Variants in CEACAM18 observed in about 807,000 individuals in gnomAD.
CEACAM18 encodes the protein CEA cell adhesion molecule 18, also known as cell adhesion molecule CEACAM18.
A neutral mutation model predicts 34.3 loss-of-function variants in CEACAM18; 33 were observed. The observed-to-expected ratio is 0.96, with a 90% CI of 0.73 to 1.29. The LOEUF (loss-of-function observed/expected upper bound fraction) is 1.29, where lower values mean the gene tolerates loss of function less well. Among genes scored for constraint, CEACAM18 ranks in the 50% most tolerant of loss-of-function variants. CEACAM18 has a pLI of 0.00. For synonymous variants in CEACAM18, 169 were observed against 180.9 expected, an observed-to-expected ratio of 0.93 and a Z score of 0.53; for missense variants, 474 against 485.0, an observed-to-expected ratio of 0.98 and a Z score of 0.21.
chr19:51,485,178 G>A, intron 5 of CEACAM18, 56 bp downstream of exon 5: 1 of 1,439,016 alleles, frequency 6.9e-7, no homozygotes, highest in Non-Finnish European at 9.1e-7. Flanking sequence ...TGGGACTCAG[G>A]AGCCAGCCCT....
intron 5 of CEACAM18, among the ~76,000 whole-genome samples, chr19:51,489,774 T>A (rs10413469): frequency 0.077 from 11,738 of 152,206 alleles, 540 homozygotes; most frequent in African/African-American, 0.13. Context: ...TTAGTAGTAA[T>A]TACCTTGGAA....
exon 1 of CEACAM18, chr19:51,478,644 T>A (rs768630900): frequency 6.4e-7 from 1 of 1,552,780 alleles, no homozygotes; most frequent in South Asian, 1.2e-5. Flanking sequence ...AGGCAGCTCA[T>A]GGACCTTTCC....
At chr19:51,480,297 G>T in intron 1 of CEACAM18, 36 bp from the exon 2 acceptor site, 1 of 1,494,782 alleles carries the variant, frequency 6.7e-7, no homozygotes. Context: ...ATCTCTTTGT[G>T]AATTTCTCTC....
At chr19:51,486,688 T>C (rs1364198649) in intron 5 of CEACAM18, among the ~76,000 whole-genome samples, 16 of 151,734 alleles carry the variant, frequency 1.1e-4, no homozygotes, top group Admixed American at 1.1e-3. Flanking sequence ...GAGCTAATTT[T>C]CTTTTTTCTT....
intron 5 of CEACAM18, among the ~76,000 whole-genome samples, chr19:51,490,172 A>G (rs2122196622): frequency 6.6e-6 from 1 of 152,288 alleles, no homozygotes; most frequent in East Asian, 1.9e-4. Context: ...AAATGGGTTA[A>G]AGTATCTGTC....
At chr19:51,490,689 G>T in exon 6 of CEACAM18, 1 of 1,142,188 alleles carries the variant, frequency 8.8e-7, no homozygotes, top group Non-Finnish European at 1.1e-6. Context: ...GGTCCCCATA[G>T]GGCCAGCGAG....
chr19:51,480,663 G>C (rs761182694), exon 2 of CEACAM18: 1 of 1,612,328 alleles, frequency 6.2e-7, no homozygotes, highest in Non-Finnish European at 8.5e-7. Flanking sequence ...AGAGCAACCG[G>C]CTGGCTGGAG....
chr19:51,478,613 C>T (rs757571916), upstream of CEACAM18: 9 of 1,571,196 alleles, frequency 5.7e-6, no homozygotes, highest in Non-Finnish European at 7.8e-6. Context: ...TCTGGAGGGA[C>T]CCCTCCTCCT....
At position 51,483,007 on chromosome 19, in the gene CEACAM18, G is replaced by A. The variant is rs758465074; in HGVS notation, c.674-10G>A. 5.6e-6 allele frequency: 9 copies of A among 1,612,640 alleles called. No individual in the cohort carries two copies. The highest frequency in any genetic ancestry group is 1.7e-5 in the Admixed American group (1 of 60,008). On this transcript the variant is annotated splice_polypyrimidine_tract_variant and intron_variant, in intron 3 of 5. Transcript: ENST00000396477. Reference sequence around the variant, plus strand: ...AAACATAGCCTGGGCCTCCTACCCTGTCTCTACAGATGGGCCCGACTATGT... The same window carrying A: ...AAACATAGCCTGGGCCTCCTACCCTATCTCTACAGATGGGCCCGACTATGT...
intron 5 of CEACAM18, among the ~76,000 whole-genome samples, chr19:51,488,034 AAAACAAAACC>A (rs1990033827): frequency 6.6e-6 from 1 of 152,212 alleles, no homozygotes; most frequent in African/African-American, 2.4e-5. Context: ...TTAAAGAGTA[AAAACAAAACC>A]AAACAAAACC....
chr19:51,483,069 T>C, exon 4 of CEACAM18: 1 of 1,614,018 alleles, frequency 6.2e-7, no homozygotes, highest in Non-Finnish European at 8.5e-7. Context: ...TCAACGGCAT[T>C]GTGACAGCTG....
At chr19:51,480,779 A>G (rs1189125333) in intron 2 of CEACAM18, 99 bp downstream of exon 2, 2 of 1,129,186 alleles carry the variant, frequency 1.8e-6, no homozygotes, top group African/African-American at 3.1e-5. Flanking sequence ...CGGGAGTGGA[A>G]ATCACGGAGC....
At chr19:51,486,318 T>C (rs1402506789) in intron 5 of CEACAM18, among the ~76,000 whole-genome samples, 2 of 152,126 alleles carry the variant, frequency 1.3e-5, no homozygotes, top group Admixed American at 6.5e-5. Flanking sequence ...CTGATGGTGA[T>C]GATTATGATG....
intron 4 of CEACAM18, among the ~76,000 whole-genome samples, chr19:51,484,523 T>C (rs1007925020): frequency 1.3e-5 from 2 of 152,180 alleles, no homozygotes; most frequent in Non-Finnish European, 2.9e-5. Flanking sequence ...GGTTTCACCA[T>C]GTTGCCCAGG....
exon 3 of CEACAM18, chr19:51,481,602 T>C (rs1989917089): frequency 1.9e-6 from 3 of 1,613,848 alleles, no homozygotes; most frequent in African/African-American, 2.7e-5. Flanking sequence ...AACAATTCAG[T>C]GCATGATAGA....
At chr19:51,487,314 A>G (rs568699641) in intron 5 of CEACAM18, among the ~76,000 whole-genome samples, 2 of 152,110 alleles carry the variant, frequency 1.3e-5, no homozygotes, top group African/African-American at 2.4e-5. Flanking sequence ...ATCTCTACAA[A>G]AAATACAAAA....
rs199689750 is a variant in CEACAM18, at chr19:51,481,544, C to G, written c.552C>G (p.Ser184=). 582 of 1,613,852 alleles carry G rather than the reference C, an allele frequency of 3.6e-4. 2 individuals carry two copies. The highest frequency in any genetic ancestry group is 1.2e-3 in the Middle Eastern group (7 of 6,084). Reference sequence around the variant, plus strand: ...CTAGTAGTGACCGGATGACAATTTCCCCAGACGGCAAGACCCTCGTCATCC... The same window carrying G: ...CTAGTAGTGACCGGATGACAATTTCGCCAGACGGCAAGACCCTCGTCATCC... The change falls in exon 3 of 6, where the codon TCC becomes TCG. Residue 184 remains serine (S), a synonymous_variant. Coordinates refer to ENST00000396477, the Ensembl canonical transcript of CEACAM18.
intron 5 of CEACAM18, 37 bp downstream of exon 5, chr19:51,485,159 G>A: frequency 6.8e-7 from 1 of 1,467,724 alleles, no homozygotes; most frequent in South Asian, 1.4e-5. Flanking sequence ...TGGGATGTTG[G>A]CTGGGGGCTG....
chr19:51,478,951 C>T (rs947491003), intron 1 of CEACAM18, among the ~76,000 whole-genome samples: 4 of 138,134 alleles, frequency 2.9e-5, no homozygotes, highest in African/African-American at 1.0e-4. Context: ...CGCACACGCA[C>T]ATGCACACAC....
Sources: allele counts gnomAD v4.1 joint callset (sites outside exome capture counted in the v4.1 genomes callset), GRCh38; gene constraint gnomAD v4.1.1; transcripts MANE v1.5; gene names NCBI Gene and HGNC (gene_info 2026-07-23, HGNC 2026-07-21).